Variants in KTN1 observed in about 807,000 individuals in gnomAD.
KTN1 encodes the protein kinectin 1, also known as kinectin.
KTN1 carries 130 observed loss-of-function variants against 222.5 expected under a neutral mutation model. The ratio of observed to expected loss-of-function variants is 0.58; its 90% confidence interval spans 0.51 to 0.68. KTN1 has a LOEUF of 0.68. Among genes scored for constraint, KTN1 ranks in the 30% least tolerant of loss-of-function variants. The pLI is 0.00. For synonymous variants in KTN1, 512 were observed against 496.3 expected, an observed-to-expected ratio of 1.03 and a Z score of -0.42; for missense variants, 1,508 against 1,500.4, an observed-to-expected ratio of 1.01 and a Z score of -0.08.
At chr14:55,616,684 T>A (rs1346921603) in intron 3 of KTN1, 30 bp downstream of exon 3, 37 of 1,554,468 alleles carry the variant, frequency 2.4e-5, no homozygotes, top group Non-Finnish European at 3.2e-5. Flanking sequence ...ATTTTTATAA[T>A]GCTAATTCTA....
At position 55,671,787 on chromosome 14, in the gene KTN1, A is replaced by G. The variant is rs1466915506; in HGVS notation, c.3441A>G (p.Glu1147=). 3.1e-6 allele frequency: 5 copies of G among 1,606,462 alleles called. No homozygotes were observed. Among genetic ancestry groups the G allele is most frequent in the Non-Finnish European group, 4.3e-6 (5 of 1,173,596 alleles). The change falls in exon 37 of 44, where the codon GAA becomes GAG. Residue 1147 remains glutamate, a splice_region_variant and synonymous_variant. Coordinates refer to ENST00000395314, the MANE Select transcript of KTN1 (RefSeq NM_001079521.2). The stretch of plus-strand genomic sequence containing the variant: ...AACAACTATGCTTTTGTCTGTAGGA[A>G]GGAATTTTACAGAAGCTACAGAGAA... ...EKYKSVLAET[E]GILQKLQRSV... is the part of the protein sequence containing the mutation.
chr14:55,606,856 T>TCATC (rs773160589), intron 1 of KTN1, among the ~76,000 whole-genome samples: 2 of 152,306 alleles, frequency 1.3e-5, no homozygotes, highest in East Asian at 1.9e-4. Flanking sequence ...TTTTTAGGTA[T>TCATC]CATCTATGAG....
intron 1 of KTN1, among the ~76,000 whole-genome samples, chr14:55,595,986 C>A (rs1196796895): frequency 2.0e-5 from 3 of 151,870 alleles, no homozygotes; most frequent in Non-Finnish European, 4.4e-5. Context: ...AACCCCGTCT[C>A]TACCAAAAAT....
intron 5 of KTN1, among the ~76,000 whole-genome samples, chr14:55,626,476 C>T (rs1594929161): frequency 6.6e-6 from 1 of 152,176 alleles, no homozygotes; most frequent in East Asian, 1.9e-4. Flanking sequence ...GATTTTTAAC[C>T]ACAGTTTTTT....
At chr14:55,617,917 T>C (rs371780822) in intron 3 of KTN1, 47 bp from the exon 4 acceptor site, 5 of 1,349,162 alleles carry the variant, frequency 3.7e-6, no homozygotes, top group Non-Finnish European at 5.1e-6. Flanking sequence ...TCATTTACTC[T>C]GTTTTGTAAA....
intron 30 of KTN1, 60 bp from the exon 31 acceptor site, chr14:55,659,606 C>CTG: frequency 1.0e-6 from 1 of 979,544 alleles, no homozygotes; most frequent in Non-Finnish European, 1.6e-6. Context: ...AGAAAAGCTT[C>CTG]AATGTTTTTA....
intron 29 of KTN1, 40 bp from the exon 30 acceptor site, chr14:55,658,506 A>T: frequency 8.5e-7 from 1 of 1,178,798 alleles, no homozygotes. Flanking sequence ...ATGTGGAAAA[A>T]ATCTGTTTAG....
intron 35 of KTN1, chr14:55,671,312 G>T (rs571712276): frequency 5.7e-5 from 25 of 441,854 alleles, no homozygotes; most frequent in African/African-American, 4.9e-4. Flanking sequence ...CTTCACATGT[G>T]GGTCTGCTTT....
chr14:55,581,015 C>G lies in KTN1; in HGVS notation c.-31+661C>G, dbSNP rs550454373. Among the ~76,000 whole-genome samples the G allele has an allele frequency of 3.3e-5, 5 of 152,372 alleles. No individual in the cohort carries two copies. In the East Asian group the frequency reaches 7.7e-4, roughly 24 times the overall value. On this transcript the variant is annotated intron_variant, in intron 1 of 43. Coordinates refer to ENST00000395314, the MANE Select transcript of KTN1 (RefSeq NM_001079521.2). Reference sequence around the variant, plus strand: ...TTTGGAAAAATCCATGGACCACTCTCGACACCGGCGAAGTTATCCCTTCCT... The same window carrying G: ...TTTGGAAAAATCCATGGACCACTCTGGACACCGGCGAAGTTATCCCTTCCT...
rs78254976 is a variant in KTN1, at chr14:55,628,273, C to G, written c.1080+245C>G. Among the ~76,000 whole-genome samples the G allele has an allele frequency of 4.2e-3, 645 of 152,326 alleles. 2 individuals are homozygous for G. Among genetic ancestry groups the G allele is most frequent in the Middle Eastern group, 0.017 (5 of 294 alleles). ...CTAGCTTCAGAATAACAAAAGCACT[C>G]TGTACAGAAGCATGGGAATTTGTTT... On this transcript the variant is annotated intron_variant, in intron 6 of 43. Coordinates refer to ENST00000395314, the MANE Select transcript of KTN1 (RefSeq NM_001079521.2).
chr14:55,662,756 T>C, intron 32 of KTN1: 1 of 359,666 alleles, frequency 2.8e-6, no homozygotes, highest in South Asian at 2.1e-5. Context: ...CTTGTACCCC[T>C]GAGTTTGTCA....
At position 55,656,073 on chromosome 14, in the gene KTN1, T is replaced by C; in HGVS notation, c.2833T>C (p.Leu945=). The change falls in exon 29 of 44, where the codon TTA becomes CTA. Residue 945 remains leucine, a synonymous_variant. Transcript: ENST00000395314. ...AGAAAAGGAAAATGAATTGAAGAGG[T>C]TAGAAGCCATGCTAAAAGAGAGGGA... ...LKEKENELKR[L]EAMLKERESD... The C allele has an allele frequency of 6.2e-7, 1 of 1,610,658 alleles. No homozygotes were observed. The highest frequency in any genetic ancestry group is 8.5e-7 in the Non-Finnish European group (1 of 1,177,366).
chr14:55,653,744 C>T, intron 28 of KTN1, 148 bp downstream of exon 28: 1 of 561,750 alleles, frequency 1.8e-6, no homozygotes. Context: ...TAGGCTAAGT[C>T]TCTGTTGGGT....
chr14:55,604,241 A>G (rs867974115), intron 1 of KTN1, among the ~76,000 whole-genome samples: 1 of 152,116 alleles, frequency 6.6e-6, no homozygotes, highest in South Asian at 2.1e-4. Flanking sequence ...TTGCTCATAT[A>G]TAGCAGGTAT....
At chr14:55,617,312 G>T (rs1017457404) in intron 3 of KTN1, among the ~76,000 whole-genome samples, 13 of 152,170 alleles carry the variant, frequency 8.5e-5, no homozygotes. Context: ...AAAGAAAAGA[G>T]ATTTTCATCT....
At chr14:55,624,144 A>T (rs2039503653) in intron 5 of KTN1, among the ~76,000 whole-genome samples, 2 of 152,186 alleles carry the variant, frequency 1.3e-5, no homozygotes, top group South Asian at 4.1e-4. Flanking sequence ...TTCTCTACTG[A>T]AGGAACTCTG....
intron 29 of KTN1, among the ~76,000 whole-genome samples, chr14:55,656,648 G>A (rs1030591729): frequency 6.6e-6 from 1 of 151,870 alleles, no homozygotes; most frequent in African/African-American, 2.4e-5. Context: ...GTATTTTTTA[G>A]TAGAGATGGG....
At position 55,628,044 on chromosome 14, in the gene KTN1, T is replaced by G; in HGVS notation, c.1080+16T>G. 6.9e-7 allele frequency: 1 copy of G among 1,452,958 alleles called. No individual in the cohort carries two copies. The highest frequency in any genetic ancestry group is 9.7e-7 in the Non-Finnish European group (1 of 1,034,916). 90.0% of individuals were successfully genotyped at this position (1,452,958 alleles called of 1,614,324 possible). A position where few individuals can be genotyped will look rare whatever the true frequency, so the allele number is the denominator to read the frequency against. On this transcript the variant is annotated intron_variant, in intron 6 of 43. Transcript: ENST00000395314. ...GTTAACCCAGGTGAAGACATTCTTA[T>G]GTACGAGGGATATACTTCCCAAATC...
Position 55,646,465 on chromosome 14 carries a change from C to CT in KTN1, c.2173-505dup, listed in dbSNP as rs11399585. ...CCTTTTCCTTTTCCTTTTCCTTTTC[C>CT]TTTCCTTTCCTTTCCTTTCCTTTCC... On this transcript the variant is annotated intron_variant, in intron 18 of 43. Coordinates refer to ENST00000395314, the MANE Select transcript of KTN1 (RefSeq NM_001079521.2). Among the ~76,000 whole-genome samples the CT allele has an allele frequency of 9.7e-3, 207 of 21,262 alleles. 2 individuals carry two copies. The highest frequency in any genetic ancestry group is 0.04 in the African/African-American group (178 of 4,486). The allele number at this position is 21,262 out of a possible 152,430, so 13.9% of individuals were successfully genotyped here. A position where few individuals can be genotyped will look rare whatever the true frequency, so the allele number is the denominator to read the frequency against.
Sources: allele counts gnomAD v4.1 joint callset (sites outside exome capture counted in the v4.1 genomes callset), GRCh38; gene constraint gnomAD v4.1.1; transcripts MANE v1.5; gene names NCBI Gene and HGNC (gene_info 2026-07-23, HGNC 2026-07-21).